Variants in MAF observed in about 807,000 individuals in gnomAD.
MAF encodes the protein transcription factor Maf.
In MAF, 10 loss-of-function variants were observed where a neutral mutation model predicts 22.0. The ratio of observed to expected loss-of-function variants is 0.45; its 90% CI spans 0.28 to 0.77. The LOEUF (loss-of-function observed/expected upper bound fraction) is 0.77, where lower values mean the gene tolerates loss of function less well. Among genes scored for constraint, MAF ranks in the 30% least tolerant of loss-of-function variants. MAF has a pLI of 0.12. For synonymous variants in MAF, 337 were observed against 255.8 expected (o/e 1.32, Z -3.03); for missense variants, 544 against 548.4 (o/e 0.99, Z 0.08).
chr16:79,397,560 A>G, the MAF span, among the ~76,000 whole-genome samples: 12 of 152,198 alleles, frequency 7.9e-5, no homozygotes, highest in African/African-American at 2.9e-4. Context: ...TTTTTTAACA[A>G]AAGCAAAGAA....
At chr16:79,483,424 G>A in the MAF span, among the ~76,000 whole-genome samples, 2 of 150,800 alleles carry the variant, frequency 1.3e-5, no homozygotes, top group African/African-American at 2.4e-5. Flanking sequence ...AGATAGGAAG[G>A]GAAGTGAAGG....
chr16:79,365,229 T>A, the MAF span, among the ~76,000 whole-genome samples: 1 of 152,200 alleles, frequency 6.6e-6, no homozygotes, highest in South Asian at 2.1e-4. Flanking sequence ...CTTTGGTAAG[T>A]TTGCTCTATG....
At chr16:79,215,810 G>A in the MAF span, among the ~76,000 whole-genome samples, 1 of 152,112 alleles carries the variant, frequency 6.6e-6, no homozygotes, top group Admixed American at 6.6e-5. Context: ...TACATCTTGG[G>A]TCTGTAGGAG....
the MAF span, among the ~76,000 whole-genome samples, chr16:79,539,263 G>T: frequency 2.0e-5 from 3 of 152,216 alleles, no homozygotes; most frequent in Non-Finnish European, 4.4e-5. Flanking sequence ...CAGCACTTCG[G>T]GAGGCCGAGC....
the MAF span, among the ~76,000 whole-genome samples, chr16:79,386,808 AAAG>A: frequency 3.3e-5 from 5 of 152,140 alleles, no homozygotes; most frequent in African/African-American, 4.8e-5. Context: ...CTTAGAGCCA[AAAG>A]AAGACAGGGT....
the MAF span, among the ~76,000 whole-genome samples, chr16:79,288,760 C>T: frequency 0.52 from 79,286 of 151,972 alleles, 23,233 homozygotes; most frequent in Non-Finnish European, 0.64. Context: ...GATAGGGTCT[C>T]GCTGTGTCAC....
At chr16:79,365,068 T>G in the MAF span, among the ~76,000 whole-genome samples, 1 of 152,186 alleles carries the variant, frequency 6.6e-6, no homozygotes, top group Admixed American at 6.5e-5. Context: ...GGTTTCTGAT[T>G]GGTTAAACTT....
the MAF span, among the ~76,000 whole-genome samples, chr16:79,552,946 G>T: frequency 1.3e-5 from 2 of 152,216 alleles, no homozygotes; most frequent in Non-Finnish European, 2.9e-5. Context: ...ATAGCAGGAA[G>T]CTGTGACCAG....
the MAF span, among the ~76,000 whole-genome samples, chr16:79,230,133 C>T: frequency 6.6e-6 from 1 of 152,120 alleles, no homozygotes; most frequent in Non-Finnish European, 1.5e-5. Context: ...ACTCTGTAGG[C>T]AAGCCCTATC....
the MAF span, among the ~76,000 whole-genome samples, chr16:79,498,318 A>G: frequency 6.6e-5 from 10 of 152,314 alleles, no homozygotes; most frequent in South Asian, 8.3e-4. Context: ...CAATGTGCCA[A>G]TGAGTGGGTA....
chr16:79,360,493 A>G, the MAF span, among the ~76,000 whole-genome samples: 3 of 152,278 alleles, frequency 2.0e-5, no homozygotes, highest in African/African-American at 4.8e-5. Context: ...CTCATCTGTA[A>G]CTTGCAGGTG....
chr16:79,586,739 C>G (rs1410562224), intron 1 of MAF, among the ~76,000 whole-genome samples: 2 of 152,138 alleles, frequency 1.3e-5, no homozygotes, highest in African/African-American at 2.4e-5. Flanking sequence ...ATTTTCCAGA[C>G]AGCAGTTTAA....
chr16:79,533,226 A>G, the MAF span, among the ~76,000 whole-genome samples: 1 of 152,264 alleles, frequency 6.6e-6, no homozygotes, highest in East Asian at 1.9e-4. Flanking sequence ...AGAGTTGCTC[A>G]TATTTTTTAA....
chr16:79,484,974 C>A, the MAF span, among the ~76,000 whole-genome samples: 1 of 152,208 alleles, frequency 6.6e-6, no homozygotes, highest in Non-Finnish European at 1.5e-5. Flanking sequence ...TCTGTGGCCC[C>A]AGGTAAGCTG....
the MAF span, among the ~76,000 whole-genome samples, chr16:79,492,774 G>A: frequency 6.6e-6 from 1 of 152,072 alleles, no homozygotes; most frequent in Non-Finnish European, 1.5e-5. Context: ...AGACCCAAAA[G>A]GGAACATTCT....
At chr16:79,338,257 G>A in the MAF span, among the ~76,000 whole-genome samples, 1 of 152,168 alleles carries the variant, frequency 6.6e-6, no homozygotes, top group African/African-American at 2.4e-5. Context: ...AATTGCGTGA[G>A]GTCTGAGTGA....
chr16:79,544,113 T>A, the MAF span, among the ~76,000 whole-genome samples: 1 of 152,012 alleles, frequency 6.6e-6, no homozygotes, highest in African/African-American at 2.4e-5. Flanking sequence ...CAACAAGTGG[T>A]ATGATATGGT....
At chr16:79,382,221 G>A in the MAF span, among the ~76,000 whole-genome samples, 2 of 152,282 alleles carry the variant, frequency 1.3e-5, no homozygotes, top group South Asian at 2.1e-4. Flanking sequence ...TCTTCTAGCC[G>A]ATCTAAGAAT....
At chr16:79,235,243 A>G in the MAF span, among the ~76,000 whole-genome samples, 1 of 152,016 alleles carries the variant, frequency 6.6e-6, no homozygotes, top group African/African-American at 2.4e-5. Flanking sequence ...CACTTGCTGT[A>G]GAGGATGTTT....
Sources: allele counts gnomAD v4.1 joint callset (sites outside exome capture counted in the v4.1 genomes callset), GRCh38; gene constraint gnomAD v4.1.1; transcripts MANE v1.5; gene names NCBI Gene and HGNC (gene_info 2026-07-23, HGNC 2026-07-21).